RNF213: variants seen among roughly 807,000 people sequenced by gnomAD.
RNF213 encodes E3 ubiquitin-protein ligase RNF213.
RNF213 carries 341 observed loss-of-function variants against 514.4 expected under a neutral mutation model. The ratio of observed to expected loss-of-function variants is 0.66; its 90% CI spans 0.61 to 0.73. The LOEUF (loss-of-function observed/expected upper bound fraction) is 0.73, where lower values mean the gene tolerates loss of function less well. RNF213 is among the 30% of genes least tolerant of loss of function. RNF213 has a pLI of 0.00. For missense variants in RNF213, 5,767 were observed against 6,615.6 expected (o/e 0.87, Z 4.45); for synonymous variants, 2,655 against 2,658.2 (o/e 1.00, Z 0.04).
Position 80,345,431 on chromosome 17 carries a change from G to C in RNF213, c.7096G>C (p.Asp2366His). 2 of 1,613,552 alleles carry C rather than the reference G, an allele frequency of 1.2e-6. No individual in the cohort carries two copies. The highest frequency in any genetic ancestry group is 1.7e-6 in the Non-Finnish European group (2 of 1,179,576). Residue 2366 changes from aspartate (D) to histidine (H), a missense_variant, in exon 29 of 68, where the codon GAT becomes CAT. Physicochemically the swap from Asp to His is moderately conservative, Grantham distance 81 (BLOSUM62 -1). Around this residue, in one of 13 missense-constraint regions of RNF213, gnomAD observed 1,377 missense variants for 1,635.2 expected, o/e 0.84. Transcript: ENST00000582970. This position sits in a 1 kb window ranked among gnomAD's most constrained non-coding sequence, Gnocchi z 6.0. ...GAGGGTGCCCTTCAATGTCGACTTT[G>C]ATAAACTGCCCAGACACAAGAAACT... Reference protein sequence around the residue: ...LQRVPFNVDFDKLPRHKKLER... With the variant: ...LQRVPFNVDFHKLPRHKKLER...
chr17:80,319,259 G>A lies in RNF213; in HGVS notation c.2971G>A (p.Val991Met). The change falls in exon 17 of 68, where the codon GTG becomes ATG. Residue 991 changes from valine (V) to methionine (M), a missense_variant. Val to Met is a conservative substitution (Grantham distance 21). Around this residue, in one of 13 missense-constraint regions of RNF213, gnomAD observed 516 missense variants for 566.5 expected, o/e 0.91. Transcript: ENST00000582970. ...CWDTKGLEDS[V>M]AKTFEKCIIE... ...GGACACCAAAGGCTTAGAGGACAGT[G>A]TGGCCAAGACCTTCGAGAAATGCAT... The A allele has an allele frequency of 1.9e-6, 3 of 1,614,192 alleles. No individual in the cohort carries two copies. Among genetic ancestry groups the A allele is most frequent in the Non-Finnish European group, 2.5e-6 (3 of 1,180,034 alleles).
At chr17:80,374,172 G>A (rs1199965349) in intron 49 of RNF213, among the ~76,000 whole-genome samples, 2 of 152,156 alleles carry the variant, frequency 1.3e-5, no homozygotes, top group African/African-American at 4.8e-5. Context: ...TGAGCCACCC[G>A]GCCTCAGGTG....
chr17:80,327,914 A>C lies in RNF213; in HGVS notation c.3292A>C (p.Ser1098Arg). The change falls in exon 19 of 68, where the codon AGT becomes CGT. Residue 1098 changes from serine (S) to arginine (R), a missense_variant. Ser to Arg is a moderately radical substitution (Grantham distance 110). Transcript: ENST00000582970. ...GACGAAAGTTGTTGGTGACCTCCTA[A>C]GTGGCACGATTTTAGTTGGACAACT... is the stretch of plus-strand genomic sequence containing the variant. Reference protein sequence around the residue: ...VLTKVVGDLLSGTILVGQLEL... With the variant: ...VLTKVVGDLLRGTILVGQLEL... 6.5e-7 allele frequency: 1 copy of C among 1,537,266 alleles called. No individual in the cohort carries two copies. Among genetic ancestry groups the C allele is most frequent in the Non-Finnish European group, 8.7e-7 (1 of 1,146,914 alleles).
At chr17:80,368,528 G>C (rs2079374890) in intron 44 of RNF213, among the ~76,000 whole-genome samples, 1 of 151,856 alleles carries the variant, frequency 6.6e-6, no homozygotes, top group South Asian at 2.1e-4. Flanking sequence ...CACCTCCTGG[G>C]TTCAGGCAAT....
chr17:80,345,986 G>A lies in RNF213; in HGVS notation c.7651G>A (p.Glu2551Lys). The A allele has an allele frequency of 6.2e-7, 1 of 1,614,238 alleles. No homozygotes were observed. The highest frequency in any genetic ancestry group is 2.2e-5 in the East Asian group (1 of 44,888). The change falls in exon 29 of 68, where the codon GAG (glutamate) becomes AAG (lysine). Residue 2551 changes from glutamate to lysine, a missense_variant. Glu to Lys is a moderately conservative substitution (Grantham distance 56). Transcript: ENST00000582970. This position sits in a 1 kb window ranked among gnomAD's most constrained non-coding sequence, Gnocchi z 6.0. ...AGLGYRVSME[E>K]TADRLGSIPL... ...TTTGGGCTACAGGGTTAGTATGGAGGAGACGGCCGACAGGCTGGGCTCCAT... is the reference window on the plus strand; with the variant it reads ...TTTGGGCTACAGGGTTAGTATGGAGAAGACGGCCGACAGGCTGGGCTCCAT...
chr17:80,363,389 G>A, intron 40 of RNF213, 75 bp downstream of exon 40: 1 of 1,471,352 alleles, frequency 6.8e-7, no homozygotes. Flanking sequence ...GAGAGCTTCT[G>A]GGGCTGTGTT....
chr17:80,350,006 G>C (rs2078448600), intron 30 of RNF213, 100 bp downstream of exon 30: 1 of 1,287,206 alleles, frequency 7.8e-7, no homozygotes, highest in Non-Finnish European at 1.1e-6. Flanking sequence ...GAGCGCCACA[G>C]TCACGTGACT....
intron 8 of RNF213, among the ~76,000 whole-genome samples, chr17:80,293,854 T>C (rs1372448595): frequency 6.7e-6 from 1 of 150,270 alleles, no homozygotes; most frequent in Non-Finnish European, 1.5e-5. Flanking sequence ...GATAGGGGAT[T>C]TGACCTGGAG....
intron 54 of RNF213, chr17:80,379,377 T>C: frequency 1.9e-6 from 1 of 537,310 alleles, no homozygotes; most frequent in Non-Finnish European, 3.4e-6. Flanking sequence ...AGTGTCACTC[T>C]GGGAATAAAG....
Position 80,352,939 on chromosome 17 carries a change from G to C in RNF213, c.10304-1G>C, listed in dbSNP as rs1351620971. 1 of 1,613,942 alleles carries C rather than the reference G, an allele frequency of 6.2e-7. No homozygotes were observed. The highest frequency in any genetic ancestry group is 1.3e-5 in the African/African-American group (1 of 74,946). On this transcript the variant is annotated splice_acceptor_variant, in intron 32 of 67. Transcript: ENST00000582970. LOFTEE classifies it high-confidence loss of function. ...GTTGTGGGTGGCTTCACTCTTCACA[G>C]GGCTGTGGCAGTCTGTCCACATCGA... is the stretch of plus-strand genomic sequence containing the variant.
At chr17:80,361,284 C>G (rs867871596) in intron 38 of RNF213, among the ~76,000 whole-genome samples, 1 of 152,166 alleles carries the variant, frequency 6.6e-6, no homozygotes, top group African/African-American at 2.4e-5. Context: ...CTTGGGAGGC[C>G]AAGGCCGGCA....
At chr17:80,392,607 T>C (rs914029177) in intron 67 of RNF213, among the ~76,000 whole-genome samples, 1 of 6,724 alleles carries the variant, frequency 1.5e-4, no homozygotes, top group African/African-American at 1.2e-3. Context: ...ATTTCTGGGT[T>C]TTTTTTTTTT....
intron 21 of RNF213, among the ~76,000 whole-genome samples, chr17:80,332,985 G>T (rs188016983): frequency 2.2e-4 from 34 of 151,992 alleles, no homozygotes; most frequent in Non-Finnish European, 4.1e-4. Context: ...CTGCCCAACT[G>T]CATCTCCCAG....
intron 46 of RNF213, 59 bp from the exon 47 acceptor site, chr17:80,371,815 T>G (rs2079529127): frequency 3.4e-6 from 3 of 876,344 alleles, no homozygotes; most frequent in Non-Finnish European, 5.7e-6. Flanking sequence ...TGCTCTTTTT[T>G]TTAGTAAGGT....
intron 3 of RNF213, among the ~76,000 whole-genome samples, chr17:80,276,345 C>A (rs754041935): frequency 3.7e-4 from 57 of 152,076 alleles, no homozygotes; most frequent in Non-Finnish European, 5.9e-5. Flanking sequence ...GGTGCTCTGC[C>A]CACCTCAGCC....
rs762005057 is a variant in RNF213, at chr17:80,288,699, A to T, written c.877A>T (p.Thr293Ser). 3 of 1,614,166 alleles carry T rather than the reference A, an allele frequency of 1.9e-6. No individual in the cohort carries two copies. The highest frequency in any genetic ancestry group is 2.5e-6 in the Non-Finnish European group (3 of 1,180,030). ...GGCCGGGAAGGAAATGAAAGAGAAG[A>T]CCCAGAGAATGAAACAGCCACCAGC... ...KGAGKEMKEK[T>S]QRMKQPPATT... The change falls in exon 5 of 68, where the codon ACC (threonine) becomes TCC (serine). Residue 293 changes from threonine (T) to serine (S), a missense_variant. Physicochemically the swap from Thr to Ser is moderately conservative, Grantham distance 58. Coordinates refer to ENST00000582970, the MANE Select transcript of RNF213 (RefSeq NM_001256071.3). This position sits in a 1 kb window ranked among gnomAD's most constrained non-coding sequence, Gnocchi z 4.9.
chr17:80,261,557 C>G (rs2043423816), intron 1 of RNF213, among the ~76,000 whole-genome samples: 1 of 152,184 alleles, frequency 6.6e-6, no homozygotes, highest in South Asian at 2.1e-4. Flanking sequence ...CTGCCCCCAC[C>G]TTGTTGACTT....
chr17:80,354,878 C>T, intron 36 of RNF213: 1 of 432,356 alleles, frequency 2.3e-6, no homozygotes, highest in Non-Finnish European at 4.3e-6. Flanking sequence ...TGTTGATAAC[C>T]CTAGAAAGGG....
intron 39 of RNF213, among the ~76,000 whole-genome samples, chr17:80,362,554 A>G (rs1042540802): frequency 6.6e-6 from 1 of 152,250 alleles, no homozygotes; most frequent in Non-Finnish European, 1.5e-5. Flanking sequence ...TTTAAAAACA[A>G]CAGCCGCCGG....
Sources: gnomAD v4.1 joint callset for allele counts (sites outside exome capture counted in the v4.1 genomes callset) on GRCh38, gnomAD v4.1.1 for gene constraint, gnomAD v4.1.1 regional missense constraint, Gnocchi (gnomAD v3.1) non-coding constraint, MANE v1.5 for transcripts, NCBI Gene and HGNC (gene_info 2026-07-23, HGNC 2026-07-21) for gene names.